SLC15A5: variants seen among roughly 807,000 people sequenced by gnomAD.
SLC15A5 encodes the protein solute carrier family 15 member 5.
In SLC15A5, 58 loss-of-function variants were observed where a neutral mutation model predicts 56.1. The observed-to-expected ratio is 1.03, with a 90% CI of 0.84 to 1.29. The LOEUF is 1.29. SLC15A5 is among the 50% of genes most tolerant of loss of function. SLC15A5 has a pLI of 0.00. For synonymous variants in SLC15A5, 264 were observed against 250.5 expected (o/e 1.05, Z -0.51); for missense variants, 681 against 672.1 (o/e 1.01, Z -0.15).
At chr12:16,259,233 C>T (rs1479675636) in intron 2 of SLC15A5, among the ~76,000 whole-genome samples, 1 of 151,336 alleles carries the variant, frequency 6.6e-6, no homozygotes, top group African/African-American at 2.4e-5. Flanking sequence ...GATGAGGTCT[C>T]ACTGTGTTGC....
At chr12:16,214,746 A>T (rs915536760) in intron 7 of SLC15A5, among the ~76,000 whole-genome samples, 1 of 152,188 alleles carries the variant, frequency 6.6e-6, no homozygotes, top group Admixed American at 6.5e-5. Context: ...TTCTTCTGCC[A>T]TAATAAACAG....
chr12:16,226,474 G>A (rs1864242321), intron 5 of SLC15A5, among the ~76,000 whole-genome samples: 2 of 151,744 alleles, frequency 1.3e-5, no homozygotes, highest in South Asian at 4.2e-4. Context: ...AAATTATTTG[G>A]AGGAAGTTCA....
At chr12:16,272,483 T>C in intron 2 of SLC15A5, 78 bp downstream of exon 2, 3 of 1,340,650 alleles carry the variant, frequency 2.2e-6, no homozygotes, top group Non-Finnish European at 3.1e-6. Context: ...ACTGAGCAAC[T>C]ACTACCCAAA....
At chr12:16,259,499 A>G (rs1020722451) in intron 2 of SLC15A5, among the ~76,000 whole-genome samples, 1 of 152,006 alleles carries the variant, frequency 6.6e-6, no homozygotes, top group African/African-American at 2.4e-5. Context: ...AGAACTGGCT[A>G]TGGAAAGGGA....
chr12:16,248,192 G>T (rs1255304559), intron 3 of SLC15A5, among the ~76,000 whole-genome samples: 1 of 152,044 alleles, frequency 6.6e-6, no homozygotes, highest in African/African-American at 2.4e-5. Flanking sequence ...TAAGTTTGAG[G>T]AATTATTAGA....
rs148146089 is a variant in SLC15A5, at chr12:16,263,812, C to A, written c.585-5942G>T. ...GGATGGAAACCCCAAGCCTTGGCAG[C>A]TTCCATGTGTTGTTGAGCCTGTGGG... On this transcript the variant is annotated intron_variant, in intron 2 of 8. Transcript: ENST00000344941. Among the ~76,000 whole-genome samples the A allele has an allele frequency of 7.4e-3, 1,130 of 152,308 alleles. 14 individuals carry two copies. Among genetic ancestry groups the A allele is most frequent in the African/African-American group, 0.026 (1,079 of 41,570 alleles).
chr12:16,208,621 C>G (rs775620798), intron 7 of SLC15A5, among the ~76,000 whole-genome samples: 1 of 152,120 alleles, frequency 6.6e-6, no homozygotes, highest in Non-Finnish European at 1.5e-5. Context: ...GAGCTATGAT[C>G]ATGCCACTGC....
intron 5 of SLC15A5, among the ~76,000 whole-genome samples, chr12:16,232,027 TGA>T: frequency 6.6e-6 from 1 of 152,250 alleles, no homozygotes; most frequent in Non-Finnish European, 1.5e-5. Flanking sequence ...CATATCATCC[TGA>T]GTAATACTAT....
intron 5 of SLC15A5, among the ~76,000 whole-genome samples, chr12:16,229,853 G>A (rs372843377): frequency 1.3e-5 from 2 of 152,310 alleles, no homozygotes; most frequent in South Asian, 4.1e-4. Flanking sequence ...AACAATGAGT[G>A]GGTGGTATGT....
rs1430683086 is a variant in SLC15A5 at position 16,189,282 on chromosome 12, AAG to A, written c.*384_*385del. 1 of 154,404 alleles carries A rather than the reference AAG, an allele frequency of 6.5e-6. No individual in the cohort carries two copies. Among genetic ancestry groups the A allele is most frequent in the Non-Finnish European group, 1.4e-5 (1 of 69,620 alleles). 9.6% of individuals were successfully genotyped at this position (154,404 alleles called of 1,614,324 possible). A position where few individuals can be genotyped will look rare whatever the true frequency, so the allele number is the denominator to read the frequency against. On this transcript the variant is annotated 3_prime_UTR_variant, in exon 9 of 9. Transcript: ENST00000344941. The stretch of plus-strand genomic sequence containing the variant: ...AATAAGGGATCACTAAGTGTATTGA[AAG>A]AGAGTATATTAAAATACTGTCATTT...
At chr12:16,209,014 GATGC>G in intron 7 of SLC15A5, among the ~76,000 whole-genome samples, 1 of 90,324 alleles carries the variant, frequency 1.1e-5, no homozygotes, top group African/African-American at 3.4e-5. Context: ...CTTTAAACAT[GATGC>G]CTTTTTTTTT....
In SLC15A5 at chr12:16,235,302, G is replaced by A. The variant is rs866106076; in HGVS notation, c.1162+4379C>T. ...TATATGTATATATGTATATGTATATGTATATATATGTATATATGTATATGT... is the reference window on the plus strand; with the variant it reads ...TATATGTATATATGTATATGTATATATATATATATGTATATATGTATATGT... On this transcript the variant is annotated intron_variant, in intron 5 of 8. Coordinates refer to ENST00000344941, the MANE Select transcript of SLC15A5 (RefSeq NM_001170798.1). This position sits in a 1 kb window ranked among gnomAD's most constrained non-coding sequence, Gnocchi z 4.1. Among the ~76,000 whole-genome samples the A allele has an allele frequency of 2.8e-4, 41 of 147,756 alleles. No homozygotes were observed. Among genetic ancestry groups the A allele is most frequent in the African/African-American group, 1.0e-3 (41 of 40,416 alleles).
chr12:16,274,456 G>C (rs567362384), intron 1 of SLC15A5, among the ~76,000 whole-genome samples: 1 of 152,138 alleles, frequency 6.6e-6, no homozygotes, highest in African/African-American at 2.4e-5. Flanking sequence ...CATGTGATTT[G>C]TTTTCTCAAT....
intron 5 of SLC15A5, among the ~76,000 whole-genome samples, chr12:16,226,350 A>G (rs1864241393): frequency 6.6e-6 from 1 of 152,170 alleles, no homozygotes; most frequent in Non-Finnish European, 1.5e-5. Context: ...GCAGATGTGG[A>G]TCCCTTGAAT....
chr12:16,226,839 C>G (rs2136250587), intron 5 of SLC15A5, among the ~76,000 whole-genome samples: 1 of 152,242 alleles, frequency 6.6e-6, no homozygotes, highest in Middle Eastern at 3.4e-3. Context: ...TATTACTGGA[C>G]TTAATCCTTT....
At chr12:16,194,203 C>A (rs1262505525) in intron 8 of SLC15A5, 142 bp downstream of exon 8, 3 of 489,242 alleles carry the variant, frequency 6.1e-6, no homozygotes, top group Non-Finnish European at 1.1e-5. Context: ...ATTGAAATTT[C>A]TTACCCTGAA....
At chr12:16,205,598 C>T (rs3864921) in intron 7 of SLC15A5, among the ~76,000 whole-genome samples, 15,422 of 56,258 alleles carry the variant, frequency 0.27, 2,115 homozygotes, top group South Asian at 0.46. Flanking sequence ...TATACATATA[C>T]ACACACACAC....
Position 16,240,606 on chromosome 12 carries a change from G to C in SLC15A5, c.976-739C>G, listed in dbSNP as rs144085300. The stretch of plus-strand genomic sequence containing the variant: ...CTGTGCTCCACCCCAAATCCTCAAT[G>C]TATTGTTAGAATTTCTTCATTTTAA... On this transcript the variant is annotated intron_variant, in intron 4 of 8. Transcript: ENST00000344941. 4.4e-3 allele frequency among the ~76,000 whole-genome samples: 668 copies of C among 152,066 alleles called. 8 individuals are homozygous for C. Among genetic ancestry groups the C allele is most frequent in the African/African-American group, 0.015 (618 of 41,474 alleles).
At chr12:16,190,835 C>T (rs944477857) in intron 8 of SLC15A5, among the ~76,000 whole-genome samples, 1 of 152,050 alleles carries the variant, frequency 6.6e-6, no homozygotes, top group African/African-American at 2.4e-5. Context: ...ATTCTTACAG[C>T]ATAGACACAA....
Sources: allele counts gnomAD v4.1 joint callset (sites outside exome capture counted in the v4.1 genomes callset), GRCh38; gene constraint gnomAD v4.1.1; non-coding constraint Gnocchi (gnomAD v3.1); transcripts MANE v1.5; gene names NCBI Gene and HGNC (gene_info 2026-07-23, HGNC 2026-07-21).